Variants in ME3 observed in about 807,000 individuals in gnomAD.
The protein encoded by ME3 is malic enzyme 3.
A neutral mutation model predicts 68.9 loss-of-function variants in ME3; 48 were observed. The ratio of observed to expected loss-of-function variants is 0.70; its 90% CI spans 0.55 to 0.89. The LOEUF (loss-of-function observed/expected upper bound fraction) is 0.89, where lower values mean the gene tolerates loss of function less well. Among genes scored for constraint, ME3 ranks in the 40% least tolerant of loss-of-function variants. The pLI, the probability that ME3 is intolerant of heterozygous loss-of-function variation, is 0.00. For synonymous variants in ME3, 320 were observed against 318.8 expected, an observed-to-expected ratio of 1.00 and a Z score of -0.04; for missense variants, 675 against 797.4, an observed-to-expected ratio of 0.85 and a Z score of 1.85.
chr11:86,642,926 G>T (rs949474078), intron 2 of ME3, among the ~76,000 whole-genome samples: 2 of 152,182 alleles, frequency 1.3e-5, no homozygotes, highest in Admixed American at 6.5e-5. Context: ...TCTAGGCAAA[G>T]ACAGAGGAAT....
intron 7 of ME3, among the ~76,000 whole-genome samples, chr11:86,473,359 C>A (rs1261391066): frequency 6.6e-6 from 1 of 152,118 alleles, no homozygotes; most frequent in Non-Finnish European, 1.5e-5. Context: ...AGGGAGGGAA[C>A]CATCTGGCAT....
At chr11:86,636,354 G>A (rs1317934426) in intron 2 of ME3, among the ~76,000 whole-genome samples, 1 of 151,598 alleles carries the variant, frequency 6.6e-6, no homozygotes, top group African/African-American at 2.4e-5. Flanking sequence ...ATGAGATAAT[G>A]TCTGTGAAAT....
intron 2 of ME3, among the ~76,000 whole-genome samples, chr11:86,651,247 T>A (rs1458960650): frequency 1.3e-5 from 2 of 152,172 alleles, no homozygotes; most frequent in African/African-American, 4.8e-5. Context: ...AAGACAGTAG[T>A]GGTTCTCCCA....
chr11:86,650,823 G>A (rs1282361253), intron 2 of ME3, among the ~76,000 whole-genome samples: 3 of 152,190 alleles, frequency 2.0e-5, no homozygotes, highest in Non-Finnish European at 4.4e-5. Context: ...AGTGCAAGGG[G>A]TCAGGGAATT....
chr11:86,500,517 C>G (rs909013561), intron 5 of ME3, among the ~76,000 whole-genome samples: 1 of 152,234 alleles, frequency 6.6e-6, no homozygotes, highest in African/African-American at 2.4e-5. Flanking sequence ...TTCTCTCCTG[C>G]CAACCAATGT....
chr11:86,540,687 A>C (rs1160351197), intron 4 of ME3, among the ~76,000 whole-genome samples: 1 of 152,222 alleles, frequency 6.6e-6, no homozygotes, highest in African/African-American at 2.4e-5. Context: ...CAATGGATTA[A>C]CACAAGGACA....
At chr11:86,626,845 A>G (rs548088149) in intron 2 of ME3, among the ~76,000 whole-genome samples, 3 of 152,294 alleles carry the variant, frequency 2.0e-5, no homozygotes, top group Non-Finnish European at 2.9e-5. Context: ...CCTAGCCAAC[A>G]ACTTTGCACT....
chr11:86,661,831 AGTATTGTATTGTATTGTATT>A (rs57724567), intron 2 of ME3, among the ~76,000 whole-genome samples: 1,870 of 150,128 alleles, frequency 0.012, 18 homozygotes, highest in Middle Eastern at 0.024. Flanking sequence ...TTCAAGGCAG[AGTATTGTATTGTATTGTATT>A]GTATTGTATT....
intron 2 of ME3, among the ~76,000 whole-genome samples, chr11:86,596,593 A>G (rs1472355505): frequency 6.6e-6 from 1 of 152,202 alleles, no homozygotes; most frequent in Non-Finnish European, 1.5e-5. Context: ...GGAGCCCTTG[A>G]GACTTTAAGA....
rs569482912 is a variant in ME3, at chr11:86,508,533, G to A, written c.543+259C>T. On this transcript the variant is annotated intron_variant, in intron 5 of 14. Coordinates refer to ENST00000543262, the Ensembl canonical transcript of ME3. ...AAACTGGCACCATATATTTAGCAAG[G>A]ACTCAACACATGCTGAACATATCTT... 6.6e-5 allele frequency among the ~76,000 whole-genome samples: 10 copies of A among 152,254 alleles called. 1 individual carries two copies. Among genetic ancestry groups the A allele is most frequent in the African/African-American group, 2.4e-4 (10 of 41,544 alleles).
chr11:86,481,957 C>G (rs1309593880), intron 7 of ME3, among the ~76,000 whole-genome samples: 1 of 152,192 alleles, frequency 6.6e-6, no homozygotes, highest in Non-Finnish European at 1.5e-5. Context: ...CCTAAGCAAT[C>G]AGAGCTGGCA....
chr11:86,516,259 G>C (rs894226167), intron 4 of ME3, among the ~76,000 whole-genome samples: 2 of 152,160 alleles, frequency 1.3e-5, no homozygotes, highest in African/African-American at 2.4e-5. Flanking sequence ...GATATGGCAT[G>C]CTACCTACCT....
At chr11:86,585,174 G>C (rs1958662445) in intron 2 of ME3, among the ~76,000 whole-genome samples, 2 of 152,164 alleles carry the variant, frequency 1.3e-5, no homozygotes, top group African/African-American at 4.8e-5. Flanking sequence ...TAGGTTTTCA[G>C]CTTCAGGGCA....
chr11:86,629,903 G>A (rs1249936492), intron 2 of ME3, among the ~76,000 whole-genome samples: 1 of 152,138 alleles, frequency 6.6e-6, no homozygotes, highest in Non-Finnish European at 1.5e-5. Flanking sequence ...GTGCACTGTT[G>A]AGGTTTAATT....
intron 4 of ME3, among the ~76,000 whole-genome samples, chr11:86,531,783 A>C (rs1955252914): frequency 7.3e-6 from 1 of 137,876 alleles, no homozygotes; most frequent in Non-Finnish European, 1.5e-5. Flanking sequence ...CAATGAGAAC[A>C]CATGGACACA....
At chr11:86,615,024 T>G (rs1555011496) in intron 2 of ME3, among the ~76,000 whole-genome samples, 1 of 115,780 alleles carries the variant, frequency 8.6e-6, no homozygotes, top group Non-Finnish European at 1.8e-5. Context: ...AACCAAATCG[T>G]TTTTTTAAAA....
At chr11:86,664,633 A>C (rs1235613574) in intron 2 of ME3, among the ~76,000 whole-genome samples, 1 of 152,190 alleles carries the variant, frequency 6.6e-6, no homozygotes, top group Non-Finnish European at 1.5e-5. Context: ...CCTACAGAAC[A>C]GTGGAAATAC....
At chr11:86,532,265 A>G (rs889665268) in intron 4 of ME3, among the ~76,000 whole-genome samples, 2 of 152,218 alleles carry the variant, frequency 1.3e-5, no homozygotes, top group Admixed American at 6.5e-5. Flanking sequence ...ATAGACTGCA[A>G]TACAATAATA....
chr11:86,650,345 C>A (rs2135427072), intron 2 of ME3, among the ~76,000 whole-genome samples: 1 of 152,178 alleles, frequency 6.6e-6, no homozygotes, highest in African/African-American at 2.4e-5. Context: ...GACCTAAAAC[C>A]ATAAAAACCC....
Sources: gnomAD v4.1 joint callset for allele counts (sites outside exome capture counted in the v4.1 genomes callset) on GRCh38, gnomAD v4.1.1 for gene constraint, MANE v1.5 for transcripts, NCBI Gene and HGNC (gene_info 2026-07-23, HGNC 2026-07-21) for gene names.